Variants in NLGN1 observed in about 807,000 individuals in gnomAD.
NLGN1 encodes the protein neuroligin 1.
Under a neutral mutation model 65.5 loss-of-function variants are expected in NLGN1, and 12 were observed. The observed-to-expected ratio is 0.18, with a 90% confidence interval of 0.12 to 0.30. The LOEUF is 0.30. NLGN1 is among the 10% of genes least tolerant of loss of function. NLGN1 has a pLI of 1.00. For synonymous variants in NLGN1, 350 were observed against 359.5 expected, an observed-to-expected ratio of 0.97 and a Z score of 0.30; for missense variants, 750 against 1,007.1, an observed-to-expected ratio of 0.74 and a Z score of 3.46.
chr3:174,040,933 C>T (rs1206879351), intron 4 of NLGN1, among the ~76,000 whole-genome samples: 1 of 152,116 alleles, frequency 6.6e-6, no homozygotes, highest in East Asian at 1.9e-4. Context: ...TCCCCACATA[C>T]CTCAACATGT....
At chr3:174,200,865 A>T (rs1302414628) in intron 4 of NLGN1, among the ~76,000 whole-genome samples, 1 of 152,088 alleles carries the variant, frequency 6.6e-6, no homozygotes, top group Non-Finnish European at 1.5e-5. Context: ...ATGGAGCAAA[A>T]ATCACTGCTA....
chr3:173,551,691 C>G (rs1740887644), intron 2 of NLGN1, among the ~76,000 whole-genome samples: 1 of 152,178 alleles, frequency 6.6e-6, no homozygotes, highest in Non-Finnish European at 1.5e-5. Context: ...CAAAGGCAGG[C>G]AGGGTTGCAT....
chr3:173,800,266 C>A (rs745756343), intron 3 of NLGN1: 9 of 779,132 alleles, frequency 1.2e-5, no homozygotes, highest in Non-Finnish European at 1.5e-5. Flanking sequence ...TTTTTTTTTT[C>A]CTCCATTTCT....
intron 4 of NLGN1, among the ~76,000 whole-genome samples, chr3:173,955,611 C>A (rs1330420084): frequency 1.4e-4 from 22 of 152,108 alleles, no homozygotes; most frequent in Admixed American, 1.4e-3. Flanking sequence ...GACATTATGT[C>A]TGGGCATAAT....
intron 4 of NLGN1, among the ~76,000 whole-genome samples, chr3:173,891,764 C>T (rs1243324274): frequency 6.6e-6 from 1 of 152,168 alleles, no homozygotes; most frequent in Non-Finnish European, 1.5e-5. Context: ...TTGGGTCTTT[C>T]TCATACCCGG....
At chr3:173,818,639 C>A (rs972350062) in intron 4 of NLGN1, among the ~76,000 whole-genome samples, 15 of 152,014 alleles carry the variant, frequency 9.9e-5, no homozygotes, top group African/African-American at 3.6e-4. Context: ...GAGTGACTAG[C>A]CCTTAGGTAG....
intron 3 of NLGN1, among the ~76,000 whole-genome samples, chr3:173,612,694 A>G (rs1344226966): frequency 1.3e-5 from 2 of 152,082 alleles, no homozygotes; most frequent in Admixed American, 6.6e-5. Flanking sequence ...CCTATTTACA[A>G]ATAAGGTCAT....
At chr3:173,886,164 A>G (rs1734296768) in intron 4 of NLGN1, among the ~76,000 whole-genome samples, 1 of 152,112 alleles carries the variant, frequency 6.6e-6, no homozygotes, top group Non-Finnish European at 1.5e-5. Flanking sequence ...CAACATGTGT[A>G]CTGTTCAATG....
intron 4 of NLGN1, among the ~76,000 whole-genome samples, chr3:174,027,577 G>A (rs1238995158): frequency 1.3e-5 from 2 of 152,036 alleles, no homozygotes; most frequent in African/African-American, 4.8e-5. Flanking sequence ...AAGCACTAAT[G>A]TAATAATGAT....
intron 2 of NLGN1, among the ~76,000 whole-genome samples, chr3:173,566,485 A>C (rs547875856): frequency 1.2e-4 from 18 of 152,322 alleles, no homozygotes; most frequent in Admixed American, 1.0e-3. Flanking sequence ...CCCATTAATA[A>C]AATTCTGTCA....
chr3:173,677,807 T>C (rs576908784), intron 3 of NLGN1, among the ~76,000 whole-genome samples: 1 of 152,264 alleles, frequency 6.6e-6, no homozygotes, highest in Non-Finnish European at 1.5e-5. Flanking sequence ...TCTGTATTAA[T>C]GTCTACATTA....
intron 1 of NLGN1, among the ~76,000 whole-genome samples, chr3:173,411,127 C>A (rs1712452985): frequency 6.6e-6 from 1 of 152,170 alleles, no homozygotes. Flanking sequence ...AGAAATATAG[C>A]AGGGAAGATG....
rs186718272 is a variant in NLGN1 at position 174,081,679 on chromosome 3, C to T, written c.647-193636C>T. Among the ~76,000 whole-genome samples the T allele has an allele frequency of 5.6e-3, 829 of 147,482 alleles. 12 individuals are homozygous for T. The highest frequency in any genetic ancestry group is 0.02 in the African/African-American group (800 of 39,960). On this transcript the variant is annotated intron_variant, in intron 4 of 6. Coordinates refer to ENST00000457714, the Ensembl canonical transcript of NLGN1. ...CTTGGCTCACCGGGTTCAAGCGATT[C>T]TCCTGCCTCAGCCTCCCGAGTAGCT... is the stretch of plus-strand genomic sequence containing the variant.
chr3:174,186,708 T>G (rs1418150563), intron 4 of NLGN1, among the ~76,000 whole-genome samples: 1 of 152,140 alleles, frequency 6.6e-6, no homozygotes, highest in Admixed American at 6.6e-5. Flanking sequence ...AGGTTTATGA[T>G]TGCTGATGCT....
chr3:174,120,860 T>C (rs759018536), intron 4 of NLGN1, among the ~76,000 whole-genome samples: 18 of 152,184 alleles, frequency 1.2e-4, no homozygotes, highest in Non-Finnish European at 2.2e-4. Context: ...TCAAACATAA[T>C]TGACTTTGAA....
At chr3:173,487,442 GA>G (rs1220937030) in intron 2 of NLGN1, among the ~76,000 whole-genome samples, 1 of 151,800 alleles carries the variant, frequency 6.6e-6, no homozygotes, top group Non-Finnish European at 1.5e-5. Flanking sequence ...TTGATTCACT[GA>G]CTGTTCTGGC....
intron 4 of NLGN1, among the ~76,000 whole-genome samples, chr3:173,869,093 T>A (rs1260573530): frequency 6.6e-6 from 1 of 152,172 alleles, no homozygotes; most frequent in Non-Finnish European, 1.5e-5. Context: ...AGGAGCATAG[T>A]AATAGATCAG....
chr3:173,402,872 G>T (rs1159628209), intron 1 of NLGN1, among the ~76,000 whole-genome samples: 1 of 152,102 alleles, frequency 6.6e-6, no homozygotes, highest in Non-Finnish European at 1.5e-5. Context: ...TGATCATCAT[G>T]GTCGGTCCCT....
chr3:173,545,273 C>T (rs13080574), intron 2 of NLGN1, among the ~76,000 whole-genome samples: 13,372 of 152,034 alleles, frequency 0.088, 809 homozygotes, highest in Non-Finnish European at 0.13. Context: ...GGGGTTTCAC[C>T]GTGTTGGTCA....
Sources: allele counts gnomAD v4.1 joint callset (sites outside exome capture counted in the v4.1 genomes callset), GRCh38; gene constraint gnomAD v4.1.1; transcripts MANE v1.5; gene names NCBI Gene and HGNC (gene_info 2026-07-23, HGNC 2026-07-21).